The following TOX variants were observed in gnomAD, a reference collection of about 807,000 sequenced individuals.
TOX encodes the protein thymocyte selection-associated high mobility group box protein TOX.
TOX carries 11 observed loss-of-function variants against 53.7 expected under a neutral mutation model. That is an observed-to-expected ratio of 0.20 (90% CI 0.13 to 0.34). The LOEUF is 0.34. Among genes scored for constraint, TOX ranks in the 10% least tolerant of loss-of-function variants. The pLI, the probability that TOX is intolerant of heterozygous loss-of-function variation, is 1.00. For missense variants in TOX, 570 were observed against 664.6 expected (o/e 0.86, Z 1.56); for synonymous variants, 225 against 245.3 (o/e 0.92, Z 0.77).
intron 1 of TOX, among the ~76,000 whole-genome samples, chr8:59,104,439 C>A (rs1003947324): frequency 6.6e-6 from 1 of 152,084 alleles, no homozygotes; most frequent in Non-Finnish European, 1.5e-5. Context: ...TCTTTTGCAG[C>A]CTTTCACTCG....
At chr8:59,055,205 T>G (rs1432041016) in intron 1 of TOX, among the ~76,000 whole-genome samples, 1 of 152,152 alleles carries the variant, frequency 6.6e-6, no homozygotes, top group African/African-American at 2.4e-5. Flanking sequence ...GGAGCTGTGC[T>G]CCGATCAGCT....
chr8:58,857,380 A>G (rs139182680), intron 3 of TOX, among the ~76,000 whole-genome samples: 126 of 152,102 alleles, frequency 8.3e-4, no homozygotes, highest in Middle Eastern at 3.4e-3. Flanking sequence ...TATTTATCTC[A>G]CCATTTGCAA....
At chr8:59,110,789 G>T (rs1260036123) in intron 1 of TOX, among the ~76,000 whole-genome samples, 2 of 151,868 alleles carry the variant, frequency 1.3e-5, no homozygotes, top group Non-Finnish European at 2.9e-5. Flanking sequence ...TACCTACAGA[G>T]ACCCCATTTT....
intron 3 of TOX, among the ~76,000 whole-genome samples, chr8:58,875,035 G>T (rs1263006305): frequency 6.6e-6 from 1 of 152,212 alleles, no homozygotes; most frequent in Admixed American, 6.5e-5. Context: ...TCAGGAGGAA[G>T]ATTCCTGCAT....
chr8:59,063,483 A>T (rs917920866), intron 1 of TOX, among the ~76,000 whole-genome samples: 2 of 144,824 alleles, frequency 1.4e-5, no homozygotes, highest in African/African-American at 5.3e-5. Context: ...GAATGCAGTG[A>T]CATGATCTTA....
chr8:58,841,660 CTCATTTTAAAAAAAG>C (rs2129167290), intron 4 of TOX, among the ~76,000 whole-genome samples: 1 of 152,106 alleles, frequency 6.6e-6, no homozygotes, highest in East Asian at 1.9e-4. Context: ...TTTAAGCGTT[CTCATTTTAAAAAAAG>C]TGACTAGGTG....
At chr8:58,963,487 C>A (rs1422462951) in intron 1 of TOX, among the ~76,000 whole-genome samples, 1 of 152,112 alleles carries the variant, frequency 6.6e-6, no homozygotes, top group African/African-American at 2.4e-5. Context: ...TTCTGGGGAG[C>A]CTACAATATA....
intron 5 of TOX, among the ~76,000 whole-genome samples, chr8:58,834,913 T>C (rs1355213172): frequency 1.3e-5 from 2 of 152,184 alleles, no homozygotes; most frequent in African/African-American, 2.4e-5. Flanking sequence ...TTCTGTGAAG[T>C]CAAAGGAGCA....
At chr8:59,045,628 T>A (rs1042176929) in intron 1 of TOX, among the ~76,000 whole-genome samples, 2 of 152,180 alleles carry the variant, frequency 1.3e-5, no homozygotes, top group Admixed American at 6.5e-5. Context: ...CAAGTTAAAA[T>A]GAGTCCCAAC....
intron 3 of TOX, among the ~76,000 whole-genome samples, chr8:58,866,679 C>A (rs968234199): frequency 6.6e-6 from 1 of 152,160 alleles, no homozygotes; most frequent in Non-Finnish European, 1.5e-5. Context: ...TTGATATTTG[C>A]AACTCTGTTG....
chr8:58,951,503 T>C (rs1219586873), intron 2 of TOX, among the ~76,000 whole-genome samples: 2 of 151,574 alleles, frequency 1.3e-5, no homozygotes, highest in African/African-American at 2.4e-5. Flanking sequence ...TTTGCACCCA[T>C]AGTACAGGGA....
intron 1 of TOX, among the ~76,000 whole-genome samples, chr8:59,037,672 G>T (rs548733138): frequency 2.0e-4 from 31 of 151,968 alleles, no homozygotes; most frequent in South Asian, 1.0e-3. Flanking sequence ...CGTGGTGGCA[G>T]GCACCTGTAA....
At chr8:58,963,055 G>C (rs2129178762) in intron 1 of TOX, among the ~76,000 whole-genome samples, 1 of 152,308 alleles carries the variant, frequency 6.6e-6, no homozygotes, top group Middle Eastern at 3.4e-3. Context: ...GGACTGACTA[G>C]AGTAAATGAA....
intron 1 of TOX, among the ~76,000 whole-genome samples, chr8:59,006,103 G>C (rs1434908834): frequency 6.6e-6 from 1 of 152,162 alleles, no homozygotes; most frequent in Non-Finnish European, 1.5e-5. Context: ...GTTCAAATAA[G>C]AGATGCAATG....
At chr8:59,063,757 T>G (rs1183176758) in intron 1 of TOX, among the ~76,000 whole-genome samples, 1 of 152,090 alleles carries the variant, frequency 6.6e-6, no homozygotes, top group Non-Finnish European at 1.5e-5. Context: ...GCTTTAAACT[T>G]AATCTCAACT....
intron 1 of TOX, among the ~76,000 whole-genome samples, chr8:59,080,700 G>T (rs986839554): frequency 6.6e-6 from 1 of 152,098 alleles, no homozygotes; most frequent in African/African-American, 2.4e-5. Context: ...GTTCTCACAA[G>T]ATCCGGTCAT....
chr8:58,984,173 A>C (rs2129416923), intron 1 of TOX, among the ~76,000 whole-genome samples: 1 of 152,358 alleles, frequency 6.6e-6, no homozygotes, highest in Middle Eastern at 3.4e-3. Context: ...AATGGGGCTA[A>C]ATCGACATTA....
intron 1 of TOX, among the ~76,000 whole-genome samples, chr8:59,039,762 C>A (rs552847341): frequency 2.0e-5 from 3 of 152,204 alleles, no homozygotes; most frequent in African/African-American, 7.2e-5. Context: ...CTTGTTTTTA[C>A]CTTCAGAAAA....
rs182066885 is a variant in TOX, at chr8:58,813,994, A to G, written c.1392+1344T>C. ...GAATTCCAGCTCTGACCTTATGAGC[A>G]CATGACTTAACTCTGCCAAGCCTCA... On this transcript the variant is annotated intron_variant, in intron 7 of 8. Transcript: ENST00000361421. Among the ~76,000 whole-genome samples, 120 of 152,332 alleles carry G rather than the reference A, an allele frequency of 7.9e-4. 1 individual carries two copies. The highest frequency in any genetic ancestry group is 1.5e-3 in the Admixed American group (23 of 15,302).
Sources: allele counts gnomAD v4.1 joint callset (sites outside exome capture counted in the v4.1 genomes callset), GRCh38; gene constraint gnomAD v4.1.1; transcripts MANE v1.5; gene names NCBI Gene and HGNC (gene_info 2026-07-23, HGNC 2026-07-21).